Variants in DZANK1 observed in about 807,000 individuals in gnomAD.
The protein encoded by DZANK1 is double zinc ribbon and ankyrin repeat domains 1, also known as double zinc ribbon and ankyrin repeat-containing protein 1.
In DZANK1, 91 loss-of-function variants were observed where a neutral mutation model predicts 94.5. That is an observed-to-expected ratio of 0.96 (90% CI 0.81 to 1.15). The LOEUF (loss-of-function observed/expected upper bound fraction) is 1.15, where lower values mean the gene tolerates loss of function less well. Ranked by LOEUF, DZANK1 falls within the 50% of genes most tolerant of loss-of-function variation. The probability of loss-of-function intolerance (pLI) is 0.00; values close to 1 mark genes in which losing one functional copy is unlikely to be tolerated. For missense variants in DZANK1, 903 were observed against 916.4 expected (o/e 0.99, Z 0.19); for synonymous variants, 312 against 325.3 (o/e 0.96, Z 0.44).
chr20:18,394,168 A>G, intron 16 of DZANK1, 86 bp downstream of exon 16: 1 of 1,190,540 alleles, frequency 8.4e-7, no homozygotes, highest in Non-Finnish European at 1.2e-6. Context: ...CCGGGCTGTC[A>G]AACTCTTAGC....
intron 9 of DZANK1, among the ~76,000 whole-genome samples, chr20:18,430,317 A>G (rs1249910352): frequency 1.3e-5 from 2 of 152,220 alleles, no homozygotes; most frequent in East Asian, 3.8e-4. Flanking sequence ...ACTCAGGCAC[A>G]GGAATTATCA....
intron 12 of DZANK1, 136 bp downstream of exon 12, chr20:18,414,212 C>T (rs2057382630): frequency 2.0e-6 from 2 of 987,270 alleles, no homozygotes; most frequent in South Asian, 1.9e-5. Flanking sequence ...TTTATTTACA[C>T]ACCTAGTTGA....
At chr20:18,434,685 T>C (rs949843224) in intron 8 of DZANK1, among the ~76,000 whole-genome samples, 1 of 151,318 alleles carries the variant, frequency 6.6e-6, no homozygotes, top group African/African-American at 2.4e-5. Flanking sequence ...AAAAGAACAC[T>C]AAGCTCTGGG....
At chr20:18,402,297 A>G (rs1209830815) in intron 13 of DZANK1, among the ~76,000 whole-genome samples, 1 of 152,192 alleles carries the variant, frequency 6.6e-6, no homozygotes, top group Non-Finnish European at 1.5e-5. Context: ...CGGTCTCCCA[A>G]TAGATAGAAG....
chr20:18,415,378 A>G (rs772057686), exon 11 of DZANK1: 3 of 1,595,940 alleles, frequency 1.9e-6, no homozygotes, highest in Admixed American at 1.7e-5. Flanking sequence ...TCCAGCGACC[A>G]CATCTGTAGC....
intron 6 of DZANK1, among the ~76,000 whole-genome samples, chr20:18,452,180 G>C (rs549127016): frequency 6.6e-6 from 1 of 151,588 alleles, no homozygotes; most frequent in Non-Finnish European, 1.5e-5. Flanking sequence ...TGATTCTAAC[G>C]TGCAGCCATG....
In DZANK1 at chr20:18,409,965, G is replaced by A. The variant is rs183036259; in HGVS notation, c.1432+2681C>T. Among the ~76,000 whole-genome samples the A allele has an allele frequency of 3.3e-3, 504 of 151,168 alleles. 5 individuals carry two copies. Among genetic ancestry groups the A allele is most frequent in the African/African-American group, 0.012 (479 of 41,130 alleles). ...GGAGAATCGCTTGAACCCAGGAGGC[G>A]GAGGTTGCAGTGAGTCGGGATCACG... On this transcript the variant is annotated intron_variant, in intron 13 of 20. Transcript: ENST00000262547.
intron 2 of DZANK1, among the ~76,000 whole-genome samples, chr20:18,463,892 A>C (rs2059556238): frequency 6.6e-6 from 1 of 152,044 alleles, no homozygotes; most frequent in Non-Finnish European, 1.5e-5. Context: ...CAAAAATTGG[A>C]ATTTCAAAGT....
chr20:18,402,033 G>A (rs1420054602), intron 13 of DZANK1, among the ~76,000 whole-genome samples: 1 of 152,142 alleles, frequency 6.6e-6, no homozygotes, highest in Non-Finnish European at 1.5e-5. Flanking sequence ...TGTGGGCTGG[G>A]TTTTGACTCC....
In DZANK1 at chr20:18,465,235, A is replaced by G. The variant is rs1002847944; in HGVS notation, c.109+15T>C. The G allele has an allele frequency of 6.7e-6, 10 of 1,483,670 alleles. No homozygotes were observed. Among genetic ancestry groups the G allele is most frequent in the South Asian group, 2.4e-5 (2 of 81,842 alleles). The allele number at this position is 1,483,670 out of a possible 1,614,324, so 91.9% of individuals were successfully genotyped here. On this transcript the variant is annotated intron_variant, in intron 2 of 20. Transcript: ENST00000262547. ...AATGTTATTTTAAACAATTTCAAAC[A>G]TATGTGATTCTTACCTGATTTCATT...
At chr20:18,452,220 C>T (rs2059128335) in intron 6 of DZANK1, among the ~76,000 whole-genome samples, 1 of 152,122 alleles carries the variant, frequency 6.6e-6, no homozygotes, top group South Asian at 2.1e-4. Context: ...GATACTCTGG[C>T]CCCAGCCACC....
intron 15 of DZANK1, 198 bp from the exon 16 acceptor site, chr20:18,394,548 C>G: frequency 1.5e-6 from 1 of 688,418 alleles, no homozygotes; most frequent in Non-Finnish European, 2.7e-6. Flanking sequence ...CCCTTACCCG[C>G]GGCTCAGTCT....
At chr20:18,433,538 T>C (rs1322335386) in intron 9 of DZANK1, 114 bp downstream of exon 9, 5 of 857,492 alleles carry the variant, frequency 5.8e-6, no homozygotes, top group East Asian at 2.7e-5. Context: ...CAAGATTCTG[T>C]CTCAAAAAAA....
intron 3 of DZANK1, 130 bp downstream of exon 3, chr20:18,460,023 C>T (rs905015497): frequency 7.3e-6 from 5 of 684,778 alleles, no homozygotes; most frequent in African/African-American, 5.4e-5. Flanking sequence ...CATACATATG[C>T]TGAAATTAAA....
chr20:18,448,123 G>A (rs2058951864), intron 7 of DZANK1, among the ~76,000 whole-genome samples: 1 of 152,008 alleles, frequency 6.6e-6, no homozygotes, highest in African/African-American at 2.4e-5. Context: ...GCCCAAAATT[G>A]GATATAACAC....
At chr20:18,397,628 T>C (rs1349956301) in intron 14 of DZANK1, among the ~76,000 whole-genome samples, 1 of 152,204 alleles carries the variant, frequency 6.6e-6, no homozygotes. Flanking sequence ...TATTATGCTA[T>C]GGATTCAGAG....
At chr20:18,419,866 T>G (rs1355161256) in intron 10 of DZANK1, among the ~76,000 whole-genome samples, 1 of 118,068 alleles carries the variant, frequency 8.5e-6, no homozygotes, top group African/African-American at 3.3e-5. Flanking sequence ...TCAGAAATAG[T>G]AAAAATAAAT....
intron 8 of DZANK1, among the ~76,000 whole-genome samples, chr20:18,437,724 A>G (rs894173460): frequency 6.6e-6 from 1 of 152,214 alleles, no homozygotes; most frequent in Admixed American, 6.5e-5. Context: ...TATATATTAC[A>G]TGCCTGTATC....
At chr20:18,451,936 T>A in intron 6 of DZANK1, 1 of 518,886 alleles carries the variant, frequency 1.9e-6, no homozygotes, top group Non-Finnish European at 3.8e-6. Flanking sequence ...CAGAAAACTT[T>A]TAAATGTAAA....
Sources: gnomAD v4.1 joint callset for allele counts (sites outside exome capture counted in the v4.1 genomes callset) on GRCh38, gnomAD v4.1.1 for gene constraint, MANE v1.5 for transcripts, NCBI Gene and HGNC (gene_info 2026-07-23, HGNC 2026-07-21) for gene names.